Variants in SKAP2 observed in about 807,000 individuals in gnomAD.
The protein encoded by SKAP2 is src kinase associated phosphoprotein 2.
SKAP2 carries 28 observed loss-of-function variants against 54.9 expected under a neutral mutation model. That is an observed-to-expected ratio of 0.51 (90% confidence interval 0.38 to 0.70). The LOEUF (loss-of-function observed/expected upper bound fraction) is 0.70, where lower values mean the gene tolerates loss of function less well. Among genes scored for constraint, SKAP2 ranks in the 30% least tolerant of loss-of-function variants. The pLI, the probability that SKAP2 is intolerant of heterozygous loss-of-function variation, is 0.00. For missense variants in SKAP2, 356 were observed against 424.1 expected (o/e 0.84, Z 1.41); for synonymous variants, 137 against 134.3 (o/e 1.02, Z -0.14).
chr7:26,844,280 C>G, intron 3 of SKAP2, 143 bp from the exon 4 acceptor site: 1 of 577,230 alleles, frequency 1.7e-6, no homozygotes, highest in Non-Finnish European at 3.1e-6. Flanking sequence ...ACAAAGAAAA[C>G]TTTTAAAACT....
At chr7:26,804,531 G>C (rs956160900) in intron 4 of SKAP2, among the ~76,000 whole-genome samples, 1 of 152,118 alleles carries the variant, frequency 6.6e-6, no homozygotes, top group African/African-American at 2.4e-5. Flanking sequence ...ACAAGGTCAG[G>C]AGATTGAGAC....
chr7:26,734,398 T>C (rs572425633), intron 6 of SKAP2, among the ~76,000 whole-genome samples: 40 of 152,292 alleles, frequency 2.6e-4, no homozygotes, highest in Admixed American at 5.2e-4. Context: ...TATTTAGCCT[T>C]ACGTGCTCCC....
chr7:26,853,658 ATTGT>A (rs1260485515), intron 3 of SKAP2, among the ~76,000 whole-genome samples: 1 of 152,204 alleles, frequency 6.6e-6, no homozygotes, highest in Non-Finnish European at 1.5e-5. Context: ...AAAAGATTTT[ATTGT>A]TTGTTCTCAA....
chr7:26,685,950 GATAA>G (rs1207879522), intron 10 of SKAP2, among the ~76,000 whole-genome samples: 1 of 152,150 alleles, frequency 6.6e-6, no homozygotes, highest in Non-Finnish European at 1.5e-5. Context: ...ATTCTGAGGG[GATAA>G]CTGTGGAGAC....
chr7:26,810,292 G>A (rs913813943), intron 4 of SKAP2, among the ~76,000 whole-genome samples: 3 of 151,426 alleles, frequency 2.0e-5, no homozygotes, highest in African/African-American at 7.3e-5. Context: ...CTGCACTCCA[G>A]CCTGGACCAT....
At chr7:26,739,837 A>G (rs553814617) in intron 5 of SKAP2, 50 bp downstream of exon 5, 10 of 1,305,242 alleles carry the variant, frequency 7.7e-6, no homozygotes, top group South Asian at 7.3e-5. Flanking sequence ...AACATGTTCT[A>G]TCTAAGGATG....
intron 9 of SKAP2, among the ~76,000 whole-genome samples, chr7:26,693,393 G>A (rs1443664323): frequency 2.0e-5 from 3 of 148,228 alleles, no homozygotes; most frequent in Admixed American, 1.3e-4. Context: ...AAATCAGCAT[G>A]AACATATAAA....
chr7:26,825,139 T>C (rs968806896), intron 4 of SKAP2, among the ~76,000 whole-genome samples: 4 of 152,170 alleles, frequency 2.6e-5, no homozygotes, highest in East Asian at 3.8e-4. Flanking sequence ...CTTCTTTGCA[T>C]TGGCAAAGAA....
intron 4 of SKAP2, among the ~76,000 whole-genome samples, chr7:26,817,373 T>C (rs1012239789): frequency 3.3e-5 from 5 of 152,048 alleles, no homozygotes; most frequent in Non-Finnish European, 5.9e-5. Context: ...AAATATTTCA[T>C]GATAACGGAC....
intron 6 of SKAP2, among the ~76,000 whole-genome samples, chr7:26,737,985 C>T (rs994940271): frequency 2.0e-5 from 3 of 152,126 alleles, no homozygotes; most frequent in Admixed American, 1.3e-4. Flanking sequence ...GCGGTGTGCA[C>T]CTGTAATCCC....
intron 1 of SKAP2, 82 bp downstream of exon 1, chr7:26,864,281 C>T (rs1785328075): frequency 6.5e-7 from 1 of 1,542,176 alleles, no homozygotes; most frequent in Non-Finnish European, 8.9e-7. Context: ...AGGATAAGGG[C>T]TCTGAATGCT....
Position 26,740,154 on chromosome 7 carries a change from A to T in SKAP2, c.308-190T>A, listed in dbSNP as rs959883926. Among the ~76,000 whole-genome samples, 106 of 16,378 alleles carry T rather than the reference A, an allele frequency of 6.5e-3. 2 individuals carry two copies. The highest frequency in any genetic ancestry group is 4.1e-3 in the Non-Finnish European group (38 of 9,296). 10.7% of individuals were successfully genotyped at this position (16,378 alleles called of 152,430 possible). A position where few individuals can be genotyped will look rare whatever the true frequency, so the allele number is the denominator to read the frequency against. On this transcript the variant is annotated intron_variant, in intron 4 of 12. Transcript: ENST00000345317. The stretch of plus-strand genomic sequence containing the variant: ...TTCCTCCTAAAAGTCTCAAAAGTAA[A>T]AAAAAAAAAAAAAAAAAAAAAGTTC...
At chr7:26,726,056 ATTTC>A in intron 7 of SKAP2, 70 bp from the exon 8 acceptor site, 1 of 1,003,456 alleles carries the variant, frequency 1.0e-6, no homozygotes, top group Admixed American at 1.9e-5. Flanking sequence ...TATTCTTACC[ATTTC>A]TTTAAGACTA....
intron 4 of SKAP2, 97 bp from the exon 5 acceptor site, chr7:26,740,061 A>T (rs1782401110): frequency 1.4e-6 from 1 of 708,980 alleles, no homozygotes; most frequent in Non-Finnish European, 2.3e-6. Context: ...GCTTTTAATT[A>T]CTGAAATTGT....
At position 26,752,526 on chromosome 7, in the gene SKAP2, T is replaced by C. The variant is rs113303434; in HGVS notation, c.308-12562A>G. On this transcript the variant is annotated intron_variant, in intron 4 of 12. Transcript: ENST00000345317. Reference sequence around the variant, plus strand: ...CAAGGATAAGATCATAGAGTATCTATAGGAACAGACACCCTGCACAATTTT... The same window carrying C: ...CAAGGATAAGATCATAGAGTATCTACAGGAACAGACACCCTGCACAATTTT... 3.9e-3 allele frequency among the ~76,000 whole-genome samples: 600 copies of C among 152,214 alleles called. 5 individuals are homozygous for C. Among genetic ancestry groups the C allele is most frequent in the African/African-American group, 0.014 (572 of 41,532 alleles).
At chr7:26,775,918 T>C (rs1028076700) in intron 4 of SKAP2, among the ~76,000 whole-genome samples, 1 of 152,182 alleles carries the variant, frequency 6.6e-6, no homozygotes, top group Non-Finnish European at 1.5e-5. Context: ...ATAGCATAGT[T>C]TGTTTCTACC....
At chr7:26,842,980 A>G (rs1467722078) in intron 4 of SKAP2, among the ~76,000 whole-genome samples, 1 of 152,086 alleles carries the variant, frequency 6.6e-6, no homozygotes, top group Non-Finnish European at 1.5e-5. Context: ...CACTTTGTAC[A>G]AAGTTCTGGA....
chr7:26,837,572 G>C (rs1202588099), intron 4 of SKAP2, among the ~76,000 whole-genome samples: 2 of 152,086 alleles, frequency 1.3e-5, no homozygotes, highest in African/African-American at 4.8e-5. Context: ...CACGAAGATA[G>C]CACGAGGCCA....
At chr7:26,831,546 C>T (rs1241719389) in intron 4 of SKAP2, among the ~76,000 whole-genome samples, 1 of 152,152 alleles carries the variant, frequency 6.6e-6, no homozygotes, top group East Asian at 1.9e-4. Flanking sequence ...CTAAAATTGA[C>T]TGGATAACAA....
Sources: allele counts gnomAD v4.1 joint callset (sites outside exome capture counted in the v4.1 genomes callset), GRCh38; gene constraint gnomAD v4.1.1; transcripts MANE v1.5; gene names NCBI Gene and HGNC (gene_info 2026-07-23, HGNC 2026-07-21).